FOCAD: variants seen among roughly 807,000 people sequenced by gnomAD.
FOCAD encodes the protein focadhesin, also known as KIAA1797.
FOCAD carries 198 observed loss-of-function variants against 225.6 expected under a neutral mutation model. The observed-to-expected ratio is 0.88, with a 90% CI of 0.78 to 0.99. FOCAD has a LOEUF of 0.99. FOCAD is among the 50% of genes least tolerant of loss of function. The pLI, the probability that FOCAD is intolerant of heterozygous loss-of-function variation, is 0.00. For missense variants in FOCAD, 2,713 were observed against 2,123.6 expected, an observed-to-expected ratio of 1.28 and a Z score of -5.46; for synonymous variants, 897 against 755.0, an observed-to-expected ratio of 1.19 and a Z score of -3.08.
intron 18 of FOCAD, chr9:20,873,946 G>A (rs2131786708): frequency 1.3e-5 from 2 of 152,178 alleles, no homozygotes; most frequent in South Asian, 4.1e-4. Context: ...CATTATGATA[G>A]AGTGTCATTG....
intron 39 of FOCAD, among the ~76,000 whole-genome samples, chr9:20,985,072 G>A (rs1172666912): frequency 6.6e-6 from 1 of 152,186 alleles, no homozygotes; most frequent in Non-Finnish European, 1.5e-5. Context: ...AAAGCGCTGT[G>A]ATTACAGGCC....
intron 21 of FOCAD, among the ~76,000 whole-genome samples, chr9:20,890,448 G>A (rs1018596158): frequency 6.6e-6 from 1 of 150,420 alleles, no homozygotes; most frequent in Non-Finnish European, 1.5e-5. Context: ...ATGATTCAAC[G>A]CTTTTAAAAT....
intron 19 of FOCAD, among the ~76,000 whole-genome samples, chr9:20,877,769 G>T (rs1830346546): frequency 6.6e-6 from 1 of 152,104 alleles, no homozygotes; most frequent in Admixed American, 6.6e-5. Context: ...AATTAGCCGG[G>T]CATGGTGGCA....
At chr9:20,802,667 A>G (rs1821975120) in intron 11 of FOCAD, among the ~76,000 whole-genome samples, 1 of 152,162 alleles carries the variant, frequency 6.6e-6, no homozygotes, top group Non-Finnish European at 1.5e-5. Context: ...TAGATGAAAC[A>G]CTGTAGAGTC....
At chr9:20,692,253 A>G (rs754825975) in intron 1 of FOCAD, among the ~76,000 whole-genome samples, 2 of 152,102 alleles carry the variant, frequency 1.3e-5, no homozygotes, top group African/African-American at 2.4e-5. Flanking sequence ...CAGAAACTCC[A>G]TCCTTTTTAT....
intron 2 of FOCAD, among the ~76,000 whole-genome samples, chr9:20,668,199 A>G (rs1821951879): frequency 6.6e-6 from 1 of 152,116 alleles, no homozygotes; most frequent in Non-Finnish European, 1.5e-5. Context: ...GTTTTCCTCT[A>G]TTTGAGAGTT....
chr9:20,979,182 CA>C (rs1394764757), intron 37 of FOCAD, among the ~76,000 whole-genome samples: 1 of 152,150 alleles, frequency 6.6e-6, no homozygotes, highest in African/African-American at 2.4e-5. Flanking sequence ...AGAGGTTTAC[CA>C]GTTGATGTAA....
chr9:20,671,787 C>T (rs887582081), intron 2 of FOCAD, among the ~76,000 whole-genome samples: 1 of 152,186 alleles, frequency 6.6e-6, no homozygotes, highest in Non-Finnish European at 1.5e-5. Context: ...TGCCGACTCT[C>T]TCAAAACTAA....
Position 20,926,432 on chromosome 9 carries a change from TA to T in FOCAD, c.3078+21del, listed in dbSNP as rs750922803. Reference sequence around the variant, plus strand: ...GGTTTTATTATGTAAGTGCAAAAAATAAAAAATGATCAGAAAACTCAAGAAT... The same window carrying T: ...GGTTTTATTATGTAAGTGCAAAAAATAAAAATGATCAGAAAACTCAAGAAT... On this transcript the variant is annotated intron_variant, in intron 26 of 43. Coordinates refer to ENST00000338382, the MANE Select transcript of FOCAD (RefSeq NM_001375567.1). 7 of 1,462,516 alleles carry T rather than the reference TA, an allele frequency of 4.8e-6. No homozygotes were observed. In the South Asian group the frequency reaches 5.7e-5, roughly 12 times the overall value. 90.6% of individuals were successfully genotyped at this position (1,462,516 alleles called of 1,614,324 possible).
At chr9:20,942,669 AAAT>A (rs1836787308) in intron 28 of FOCAD, among the ~76,000 whole-genome samples, 2 of 152,194 alleles carry the variant, frequency 1.3e-5, no homozygotes, top group Non-Finnish European at 2.9e-5. Context: ...AGCTTTCAAT[AAAT>A]ACTGGTTGAG....
At chr9:20,994,971 TA>T (rs1394692931) in intron 43 of FOCAD, among the ~76,000 whole-genome samples, 11 of 67,984 alleles carry the variant, frequency 1.6e-4, no homozygotes, top group Non-Finnish European at 2.7e-4. Context: ...ATTAATATTC[TA>T]AAATAAGATA....
chr9:20,927,446 TGAAGATCAAATAATATACTTTATGTAA>T (rs1325894616), intron 26 of FOCAD, among the ~76,000 whole-genome samples: 1 of 152,088 alleles, frequency 6.6e-6, no homozygotes, highest in Non-Finnish European at 1.5e-5. Context: ...AAAAAGATTG[TGAAGATCAAATAATATACTTTATGTAA>T]AAAGTTTTGA....
At position 20,660,981 on chromosome 9, in the gene FOCAD, C is replaced by T. The variant is rs181572254; in HGVS notation, c.-78+2155C>T. Among the ~76,000 whole-genome samples the T allele has an allele frequency of 3.9e-5, 6 of 152,010 alleles. No homozygotes were observed. In the East Asian group the frequency reaches 1.2e-3, roughly 29 times the overall value. On this transcript the variant is annotated intron_variant, in intron 2 of 45. Coordinates refer to the FOCAD transcript ENST00000380249. ...TGGAGTGGTTGAACATGTTCATAGA[C>T]CACGGGAAAGGAGTCAGCAGAAGAG...
At position 20,866,210 on chromosome 9, in the gene FOCAD, G is replaced by T. The variant is rs530927823; in HGVS notation, c.2106+234G>T. Among the ~76,000 whole-genome samples the T allele has an allele frequency of 6.4e-4, 98 of 152,052 alleles. 1 individual carries two copies. Among genetic ancestry groups the T allele is most frequent in the Non-Finnish European group, 1.1e-3 (75 of 67,908 alleles). On this transcript the variant is annotated intron_variant, in intron 17 of 43. Transcript: ENST00000338382. ...TTAATACTTGGTGAATCTGACAGAT[G>T]GGAAGAGGAACTGTTGATATTATCT...
intron 28 of FOCAD, among the ~76,000 whole-genome samples, chr9:20,933,798 T>G (rs1835704800): frequency 6.6e-6 from 1 of 152,178 alleles, no homozygotes; most frequent in Non-Finnish European, 1.5e-5. Flanking sequence ...CACACTGTTT[T>G]CCATAGTGAT....
chr9:20,949,253 C>G (rs948576628), intron 32 of FOCAD, among the ~76,000 whole-genome samples: 6 of 152,126 alleles, frequency 3.9e-5, no homozygotes, highest in Non-Finnish European at 8.8e-5. Context: ...CATTTTGCAT[C>G]TTAATGTCTG....
At chr9:20,840,566 T>C (rs1055797004) in intron 15 of FOCAD, among the ~76,000 whole-genome samples, 4 of 151,514 alleles carry the variant, frequency 2.6e-5, no homozygotes, top group Non-Finnish European at 5.9e-5. Flanking sequence ...ATTTACTGTT[T>C]GCCTGTAGAA....
intron 20 of FOCAD, among the ~76,000 whole-genome samples, chr9:20,882,316 G>A (rs1284454987): frequency 6.7e-6 from 1 of 149,832 alleles, no homozygotes; most frequent in African/African-American, 2.4e-5. Flanking sequence ...TCAGCCCAGA[G>A]GCATGGCCTG....
intron 7 of FOCAD, among the ~76,000 whole-genome samples, chr9:20,765,709 G>C (rs1829998159): frequency 6.6e-6 from 1 of 152,178 alleles, no homozygotes; most frequent in Non-Finnish European, 1.5e-5. Context: ...AGAGAAATTT[G>C]AGTCATTGTC....
Sources: allele counts gnomAD v4.1 joint callset (sites outside exome capture counted in the v4.1 genomes callset), GRCh38; gene constraint gnomAD v4.1.1; transcripts MANE v1.5; gene names NCBI Gene and HGNC (gene_info 2026-07-23, HGNC 2026-07-21).